The following MALRD1 variants were observed in gnomAD, a reference collection of about 807,000 sequenced individuals.
MALRD1 encodes MAM and LDL-receptor class A domain-containing protein 1.
In MALRD1, 247 loss-of-function variants were observed where a neutral mutation model predicts 242.1. That is an observed-to-expected ratio of 1.02 (90% CI 0.92 to 1.13). The LOEUF (loss-of-function observed/expected upper bound fraction) is 1.13, where lower values mean the gene tolerates loss of function less well. Among genes scored for constraint, MALRD1 ranks in the 50% most tolerant of loss-of-function variants. The probability of loss-of-function intolerance (pLI) is 0.00; values close to 1 mark genes in which losing one functional copy is unlikely to be tolerated. For missense variants in MALRD1, 2,989 were observed against 2,533.1 expected, an observed-to-expected ratio of 1.18 and a Z score of -3.86; for synonymous variants, 995 against 866.6, an observed-to-expected ratio of 1.15 and a Z score of -2.60.
intron 26 of MALRD1, among the ~76,000 whole-genome samples, chr10:19,385,896 A>G (rs1334231066): frequency 6.6e-6 from 1 of 152,088 alleles, no homozygotes; most frequent in Non-Finnish European, 1.5e-5. Context: ...CTTTTGCTGC[A>G]TCTCACAAGT....
intron 1 of MALRD1, among the ~76,000 whole-genome samples, chr10:19,058,058 T>C (rs1217033660): frequency 6.6e-6 from 1 of 152,236 alleles, no homozygotes; most frequent in Non-Finnish European, 1.5e-5. Flanking sequence ...CACTGTTAAA[T>C]AATCTCCATC....
At chr10:19,077,219 T>C (rs1238997739) in intron 2 of MALRD1, among the ~76,000 whole-genome samples, 1 of 151,982 alleles carries the variant, frequency 6.6e-6, no homozygotes, top group Non-Finnish European at 1.5e-5. Context: ...TGACAATCCA[T>C]TATACTCTCA....
At chr10:19,497,725 T>C (rs1178629661) in intron 30 of MALRD1, among the ~76,000 whole-genome samples, 1 of 152,110 alleles carries the variant, frequency 6.6e-6, no homozygotes, top group Non-Finnish European at 1.5e-5. Flanking sequence ...TCATACCAAT[T>C]AAATCACCCA....
intron 5 of MALRD1, among the ~76,000 whole-genome samples, chr10:19,116,458 A>G (rs763191714): frequency 1.1e-4 from 17 of 152,204 alleles, no homozygotes; most frequent in Non-Finnish European, 2.1e-4. Flanking sequence ...AGAGACAGTA[A>G]CTGTTCCTTC....
At chr10:19,601,582 G>A (rs190136417) in intron 34 of MALRD1, among the ~76,000 whole-genome samples, 29 of 151,824 alleles carry the variant, frequency 1.9e-4, no homozygotes, top group South Asian at 8.4e-4. Context: ...CTATCTAAAC[G>A]GTTAACTTTC....
chr10:19,687,061 A>T (rs1463268020), intron 36 of MALRD1, among the ~76,000 whole-genome samples: 1 of 151,432 alleles, frequency 6.6e-6, no homozygotes, highest in Non-Finnish European at 1.5e-5. Flanking sequence ...TGTTAATTTT[A>T]TGAGTAAAAC....
At chr10:19,447,756 T>G (rs1835081822) in intron 28 of MALRD1, among the ~76,000 whole-genome samples, 1 of 152,196 alleles carries the variant, frequency 6.6e-6, no homozygotes, top group Non-Finnish European at 1.5e-5. Flanking sequence ...TTCCTTTAAT[T>G]TTTAATTTAA....
Position 19,146,191 on chromosome 10 carries a change from G to A in MALRD1, c.1412-7G>A, listed in dbSNP as rs1185835001. 2 of 1,231,456 alleles carry A rather than the reference G, an allele frequency of 1.6e-6. No individual in the cohort carries two copies. Among genetic ancestry groups the A allele is most frequent in the African/African-American group, 1.6e-5 (1 of 64,392 alleles). 76.3% of individuals were successfully genotyped at this position (1,231,456 alleles called of 1,614,324 possible). On this transcript the variant is annotated splice_region_variant and splice_polypyrimidine_tract_variant and intron_variant, in intron 10 of 39. Coordinates refer to ENST00000454679, the MANE Select transcript of MALRD1 (RefSeq NM_001142308.3). Reference sequence around the variant, plus strand: ...TCCTCACCTGTTTTCTCTTCTACGTGTAACAGCAAAGCATCTCACCTGTGA... The same window carrying A: ...TCCTCACCTGTTTTCTCTTCTACGTATAACAGCAAAGCATCTCACCTGTGA...
intron 1 of MALRD1, among the ~76,000 whole-genome samples, chr10:19,059,717 G>C (rs1364095440): frequency 2.0e-5 from 3 of 151,786 alleles, no homozygotes; most frequent in Admixed American, 6.6e-5. Flanking sequence ...TTTTTATAAT[G>C]AAGATAAAAT....
chr10:19,665,482 A>G (rs1298093561), intron 36 of MALRD1, among the ~76,000 whole-genome samples: 2 of 152,078 alleles, frequency 1.3e-5, no homozygotes, highest in Admixed American at 6.6e-5. Context: ...TCAGGCAGAT[A>G]AAGGGAATGG....
chr10:19,365,512 T>C lies in MALRD1; in HGVS notation c.4441+13215T>C, dbSNP rs570651534. On this transcript the variant is annotated intron_variant, in intron 26 of 39. Transcript: ENST00000454679. ...GTCACACCTTTTAAGCAAAGTCTTT[T>C]TTTTTCCTTTTAAGCTTTTGTGATT... 3.9e-5 allele frequency among the ~76,000 whole-genome samples: 6 copies of C among 152,194 alleles called. No homozygotes were observed. In the South Asian group the frequency reaches 1.2e-3, roughly 32 times the overall value.
chr10:19,666,458 C>A (rs1042817754), intron 36 of MALRD1, among the ~76,000 whole-genome samples: 1 of 152,138 alleles, frequency 6.6e-6, no homozygotes, highest in African/African-American at 2.4e-5. Flanking sequence ...CTGCAGTATT[C>A]CCTGTTCTTA....
At chr10:19,603,676 G>C (rs1171708169) in intron 34 of MALRD1, among the ~76,000 whole-genome samples, 1 of 152,156 alleles carries the variant, frequency 6.6e-6, no homozygotes, top group Non-Finnish European at 1.5e-5. Context: ...TGGCAATGCG[G>C]GCCCTTTTTT....
intron 12 of MALRD1, among the ~76,000 whole-genome samples, chr10:19,164,881 C>T (rs1834605599): frequency 6.6e-6 from 1 of 151,952 alleles, no homozygotes; most frequent in African/African-American, 2.4e-5. Flanking sequence ...AGCCTCCCTA[C>T]CCTCAAAGAA....
intron 4 of MALRD1, among the ~76,000 whole-genome samples, chr10:19,088,807 A>G (rs1399565847): frequency 1.9e-4 from 12 of 62,768 alleles, no homozygotes; most frequent in Non-Finnish European, 3.3e-4. Context: ...TCATTGTTCA[A>G]TTCCCACCTA....
In MALRD1 at chr10:19,729,592, C is replaced by CGTGTGTGTGTGTGTGTGT. The variant is rs113756414; in HGVS notation, c.6315-1109_6315-1092dup. 9.4e-4 allele frequency among the ~76,000 whole-genome samples: 135 copies of CGTGTGTGTGTGTGTGTGT among 144,314 alleles called. 1 individual carries two copies. In the East Asian group the frequency reaches 0.015, roughly 16 times the overall value. 94.7% of individuals were successfully genotyped at this position (144,314 alleles called of 152,430 possible). On this transcript the variant is annotated intron_variant, in intron 38 of 39. Transcript: ENST00000454679. ...TACACATGTGTGTATAGGATCCTTT[C>CGTGTGTGTGTGTGTGTGT]GTGTGTGTGTGTGTGTGTGTGTATT... is the stretch of plus-strand genomic sequence containing the variant.
At chr10:19,141,708 A>G (rs934115809) in intron 10 of MALRD1, among the ~76,000 whole-genome samples, 4 of 152,068 alleles carry the variant, frequency 2.6e-5, no homozygotes, top group Non-Finnish European at 4.4e-5. Context: ...TCCATGAAAA[A>G]GGGGTTTTTT....
At chr10:19,129,553 C>G (rs1837387555) in intron 8 of MALRD1, among the ~76,000 whole-genome samples, 2 of 151,948 alleles carry the variant, frequency 1.3e-5, no homozygotes, top group South Asian at 4.1e-4. Context: ...TCCAGCCCCT[C>G]TCTTCTTCCC....
intron 24 of MALRD1, among the ~76,000 whole-genome samples, chr10:19,340,393 C>T (rs1164568041): frequency 6.7e-6 from 1 of 148,890 alleles, no homozygotes. Context: ...TTCTGTGATT[C>T]GGGTTGAGCT....
Sources: allele counts gnomAD v4.1 joint callset (sites outside exome capture counted in the v4.1 genomes callset), GRCh38; gene constraint gnomAD v4.1.1; transcripts MANE v1.5; gene names NCBI Gene and HGNC (gene_info 2026-07-23, HGNC 2026-07-21).